Variants in PDS5A observed in about 807,000 individuals in gnomAD.
PDS5A encodes the protein sister chromatid cohesion protein PDS5 homolog A.
In PDS5A, 42 loss-of-function variants were observed where a neutral mutation model predicts 167.1. The observed-to-expected ratio is 0.25, with a 90% CI of 0.20 to 0.33. The LOEUF (loss-of-function observed/expected upper bound fraction) is 0.33. PDS5A is among the 10% of genes least tolerant of loss of function. The probability of loss-of-function intolerance (pLI) is 1.00; values close to 1 mark genes in which losing one functional copy is unlikely to be tolerated. For missense variants in PDS5A, 1,033 were observed against 1,605.9 expected, an observed-to-expected ratio of 0.64 and a Z score of 6.10; for synonymous variants, 553 against 554.6, an observed-to-expected ratio of 1.00 and a Z score of 0.04.
intron 17 of PDS5A, among the ~76,000 whole-genome samples, chr4:39,882,755 A>G (rs1350680074): frequency 6.6e-6 from 1 of 152,160 alleles, no homozygotes; most frequent in Non-Finnish European, 1.5e-5. Flanking sequence ...CAAAGTCTTC[A>G]AACCAGGTTC....
rs1384025762 is a variant in PDS5A at position 39,884,416 on chromosome 4, GT to G, written c.1887-4584del. 6.6e-5 allele frequency among the ~76,000 whole-genome samples: 10 copies of G among 152,304 alleles called. No homozygotes were observed. The South Asian group carries it at 1.9e-3, about 28-fold the overall frequency. On this transcript the variant is annotated intron_variant, in intron 17 of 32. Coordinates refer to ENST00000303538, the MANE Select transcript of PDS5A (RefSeq NM_001100399.2). ...GCTGGGCCAGTAAAAAACAGACTCA[GT>G]AGTCTTCTCTGCCTAAGTAATACTG...
At position 39,840,944 on chromosome 4, in the gene PDS5A, C is replaced by T. The variant is rs549170616; in HGVS notation, c.3657+1004G>A. Among the ~76,000 whole-genome samples the T allele has an allele frequency of 4.1e-3, 625 of 152,002 alleles. 6 individuals are homozygous for T. The highest frequency in any genetic ancestry group is 0.014 in the African/African-American group (594 of 41,450). On this transcript the variant is annotated intron_variant, in intron 31 of 32. Coordinates refer to ENST00000303538, the MANE Select transcript of PDS5A (RefSeq NM_001100399.2). ...TAATATTTTGTATTTTTAGTAGAGA[C>T]GGGGTTTCACCATGTTGGCCAGGCT...
chr4:39,879,557 TTATTA>T (rs1356737966), intron 18 of PDS5A, among the ~76,000 whole-genome samples, 166 bp downstream of exon 18: 3 of 152,154 alleles, frequency 2.0e-5, no homozygotes, highest in Non-Finnish European at 2.9e-5. Context: ...AATAATTACA[TTATTA>T]TATTATGTTG....
In PDS5A at chr4:39,930,247, G is replaced by GTTTTTT. The variant is rs1258661213; in HGVS notation, c.139-2089_139-2084dup. Among the ~76,000 whole-genome samples, 482 of 61,714 alleles carry GTTTTTT rather than the reference G, an allele frequency of 7.8e-3. 23 individuals are homozygous for GTTTTTT. The highest frequency in any genetic ancestry group is 0.024 in the South Asian group (36 of 1,500). 40.5% of individuals were successfully genotyped at this position (61,714 alleles called of 152,430 possible). ...AAAAAAAAAAAAAAAAAAAAAAAAA[G>GTTTTTT]TTTTTTTGTTTTTTGTTTTTTTTTT... is the stretch of plus-strand genomic sequence containing the variant. On this transcript the variant is annotated intron_variant, in intron 2 of 32. Coordinates refer to ENST00000303538, the MANE Select transcript of PDS5A (RefSeq NM_001100399.2).
intron 31 of PDS5A, 114 bp from the exon 32 acceptor site, chr4:39,838,322 G>GT: frequency 2.7e-6 from 2 of 744,138 alleles, no homozygotes; most frequent in South Asian, 3.9e-5. Context: ...AGGGCTTCCA[G>GT]TTAACTGCTT....
At chr4:39,861,036 C>G (rs903886144) in intron 26 of PDS5A, among the ~76,000 whole-genome samples, 8 of 150,900 alleles carry the variant, frequency 5.3e-5, no homozygotes, top group Admixed American at 1.3e-4. Context: ...TGCACTTCAG[C>G]CCGGGGGATA....
chr4:39,845,791 A>G (rs1717538398), intron 29 of PDS5A, 27 bp downstream of exon 29: 1 of 1,384,260 alleles, frequency 7.2e-7, no homozygotes, highest in Non-Finnish European at 9.4e-7. Flanking sequence ...TGAAACAAAG[A>G]TCTCAAAATT....
chr4:39,870,587 CAAAAT>C (rs57432451), intron 21 of PDS5A, among the ~76,000 whole-genome samples: 87,356 of 148,594 alleles, frequency 0.59, 26,475 homozygotes, highest in Middle Eastern at 0.69. Context: ...GACCATGTCT[CAAAAT>C]AAAATAAAAT....
chr4:39,849,069 C>T (rs1288717915), intron 27 of PDS5A, 99 bp from the exon 28 acceptor site: 3 of 844,848 alleles, frequency 3.6e-6, no homozygotes, highest in Non-Finnish European at 5.4e-6. Flanking sequence ...AAGAAGGATA[C>T]TGTGGTTGTT....
At chr4:39,946,866 T>A (rs1045635466) in intron 2 of PDS5A, among the ~76,000 whole-genome samples, 1 of 152,072 alleles carries the variant, frequency 6.6e-6, no homozygotes, top group Non-Finnish European at 1.5e-5. Context: ...TGAGCCAAGA[T>A]TGCACCACTG....
At chr4:39,833,796 A>T (rs73242412) in intron 32 of PDS5A, among the ~76,000 whole-genome samples, 10,821 of 152,266 alleles carry the variant, frequency 0.071, 483 homozygotes, top group Non-Finnish European at 0.1. Context: ...AAGAGGACTG[A>T]CAAGAGCAGA....
intron 13 of PDS5A, among the ~76,000 whole-genome samples, chr4:39,902,082 T>TA (rs1225455278): frequency 3.3e-5 from 5 of 152,198 alleles, no homozygotes; most frequent in African/African-American, 1.2e-4. Context: ...CCAGTAGTTT[T>TA]AGACACTAGC....
intron 26 of PDS5A, 123 bp from the exon 27 acceptor site, chr4:39,849,775 CTAATA>C (rs1289578755): frequency 6.8e-6 from 4 of 588,896 alleles, no homozygotes; most frequent in Middle Eastern, 3.6e-4. Context: ...ACCTTAATGA[CTAATA>C]TATGTTATTA....
intron 26 of PDS5A, among the ~76,000 whole-genome samples, chr4:39,856,166 C>T (rs1481297976): frequency 6.6e-6 from 1 of 151,972 alleles, no homozygotes; most frequent in Non-Finnish European, 1.5e-5. Context: ...ATCATAATGG[C>T]CAAGAGGCAG....
intron 30 of PDS5A, among the ~76,000 whole-genome samples, chr4:39,844,388 T>C (rs1036757438): frequency 4.0e-5 from 6 of 150,830 alleles, no homozygotes; most frequent in Non-Finnish European, 5.9e-5. Context: ...GGCAGGAGAA[T>C]TGCTTGAACC....
chr4:39,887,561 C>T (rs1381922055), intron 17 of PDS5A, among the ~76,000 whole-genome samples: 1 of 151,998 alleles, frequency 6.6e-6, no homozygotes, highest in Non-Finnish European at 1.5e-5. Context: ...AGACCCCTAT[C>T]CCTCACCCTC....
intron 2 of PDS5A, among the ~76,000 whole-genome samples, chr4:39,936,331 T>A (rs1011116087): frequency 6.6e-6 from 1 of 152,140 alleles, no homozygotes; most frequent in African/African-American, 2.4e-5. Context: ...AGGGACAACT[T>A]CCATTTCTGA....
intron 11 of PDS5A, among the ~76,000 whole-genome samples, chr4:39,905,238 A>T (rs1578709963): frequency 1.3e-5 from 2 of 152,150 alleles, no homozygotes; most frequent in African/African-American, 4.8e-5. Flanking sequence ...CAGAGCTTCC[A>T]ATCAGCTGTG....
rs1719130530 is a variant in PDS5A, at chr4:39,863,047, T to C, written c.2793A>G (p.Ile931Met). ...GTGCCTTATGCAGCTTCTGAGCAAA[T>C]ATCTGCCTTACTTGGTAACACTCAT... ...INDECYQVRQ[I>M]FAQKLHKALV... The change falls in exon 25 of 33, where the codon ATA becomes ATG. Residue 931 changes from isoleucine (I) to methionine (M), a missense_variant. Ile to Met is a conservative substitution (Grantham distance 10). Transcript: ENST00000303538. 1 of 1,613,500 alleles carries C rather than the reference T, an allele frequency of 6.2e-7. No homozygotes were observed. Among genetic ancestry groups the C allele is most frequent in the Admixed American group, 1.7e-5 (1 of 60,014 alleles).
Sources: gnomAD v4.1 joint callset for allele counts (sites outside exome capture counted in the v4.1 genomes callset) on GRCh38, gnomAD v4.1.1 for gene constraint, MANE v1.5 for transcripts, NCBI Gene and HGNC (gene_info 2026-07-23, HGNC 2026-07-21) for gene names.